Variants in PLEKHM3 observed in about 807,000 individuals in gnomAD.
PLEKHM3 encodes the protein pleckstrin homology domain-containing family M member 3.
A neutral mutation model predicts 81.8 loss-of-function variants in PLEKHM3; 45 were observed. The ratio of observed to expected loss-of-function variants is 0.55; its 90% CI spans 0.43 to 0.71. The LOEUF (loss-of-function observed/expected upper bound fraction) is 0.71. Among genes scored for constraint, PLEKHM3 ranks in the 30% least tolerant of loss-of-function variants. The pLI is 0.00. For synonymous variants in PLEKHM3, 352 were observed against 356.4 expected, an observed-to-expected ratio of 0.99 and a Z score of 0.14; for missense variants, 788 against 924.3, an observed-to-expected ratio of 0.85 and a Z score of 1.91.
chr2:207,910,480 C>T (rs546363379), intron 5 of PLEKHM3, among the ~76,000 whole-genome samples: 217 of 152,316 alleles, frequency 1.4e-3, no homozygotes, highest in Middle Eastern at 6.8e-3. Flanking sequence ...TAAACACAAA[C>T]TTCATTTTAC....
At chr2:207,999,183 A>C (rs931418468) in intron 2 of PLEKHM3, among the ~76,000 whole-genome samples, 10 of 151,876 alleles carry the variant, frequency 6.6e-5, no homozygotes, top group African/African-American at 2.4e-4. Flanking sequence ...GGGTTTTGCC[A>C]TGTTGTCCAG....
Position 207,824,557 on chromosome 2 carries a change from G to A in PLEKHM3, c.*3762C>T, listed in dbSNP as rs563637450. On this transcript the variant is annotated 3_prime_UTR_variant, in exon 8 of 8. Transcript: ENST00000427836. ...GAAAATGTTCAGTGTGCGTGGCATC[G>A]TGCTAGTCCCACCTGGATATACTAA... 6.6e-6 allele frequency: 1 copy of A among 152,202 alleles called. No homozygotes were observed. The highest frequency in any genetic ancestry group is 1.5e-5 in the Non-Finnish European group (1 of 68,046). 9.4% of individuals were successfully genotyped at this position (152,202 alleles called of 1,614,324 possible).
chr2:208,014,553 A>G (rs1347835498), intron 1 of PLEKHM3, among the ~76,000 whole-genome samples: 2 of 152,222 alleles, frequency 1.3e-5, no homozygotes, highest in African/African-American at 4.8e-5. Context: ...CTGAGGCAGG[A>G]GAATCACTTG....
chr2:207,834,852 C>A (rs2092309601), intron 7 of PLEKHM3, among the ~76,000 whole-genome samples: 2 of 152,162 alleles, frequency 1.3e-5, no homozygotes, highest in African/African-American at 4.8e-5. Flanking sequence ...CTACCTGGGC[C>A]ATCTAACAAA....
intron 2 of PLEKHM3, among the ~76,000 whole-genome samples, chr2:207,996,437 T>C (rs984179779): frequency 6.6e-6 from 1 of 152,204 alleles, no homozygotes; most frequent in African/African-American, 2.4e-5. Flanking sequence ...ATCAGCTTAG[T>C]TCTTGCCAGA....
At chr2:207,931,976 A>G (rs1401287499) in intron 4 of PLEKHM3, among the ~76,000 whole-genome samples, 4 of 152,228 alleles carry the variant, frequency 2.6e-5, no homozygotes, top group Non-Finnish European at 4.4e-5. Flanking sequence ...CCATCTAACA[A>G]ACAAACAAAC....
At chr2:207,908,615 C>T (rs1348877195) in intron 5 of PLEKHM3, 38 bp from the exon 6 acceptor site, 1 of 1,526,310 alleles carries the variant, frequency 6.6e-7, no homozygotes, top group Non-Finnish European at 9.0e-7. Flanking sequence ...AACTGTGGTG[C>T]TGCCATAACA....
intron 3 of PLEKHM3, among the ~76,000 whole-genome samples, chr2:207,964,739 G>A (rs1411553772): frequency 6.6e-6 from 1 of 152,126 alleles, no homozygotes; most frequent in Non-Finnish European, 1.5e-5. Context: ...AAAAAAGGGA[G>A]GGAGTTTCAC....
At chr2:207,947,179 C>T (rs1203003644) in intron 3 of PLEKHM3, among the ~76,000 whole-genome samples, 7 of 152,188 alleles carry the variant, frequency 4.6e-5, no homozygotes, top group Non-Finnish European at 8.8e-5. Flanking sequence ...TCACTTTATT[C>T]CAGTCAGAGA....
At chr2:207,872,385 T>C (rs370334865) in intron 6 of PLEKHM3, among the ~76,000 whole-genome samples, 99 of 152,348 alleles carry the variant, frequency 6.5e-4, no homozygotes, top group East Asian at 6.4e-3. Flanking sequence ...CTAGTCCTTA[T>C]ATGAAGTTCT....
intron 3 of PLEKHM3, among the ~76,000 whole-genome samples, chr2:207,949,189 A>G (rs1344709482): frequency 6.6e-6 from 1 of 152,226 alleles, no homozygotes; most frequent in Non-Finnish European, 1.5e-5. Flanking sequence ...ACAGCCTTTC[A>G]TTAATATCGC....
In PLEKHM3 at chr2:207,848,660, G is replaced by T. The variant is rs550345157; in HGVS notation, c.2108+12445C>A. Among the ~76,000 whole-genome samples the T allele has an allele frequency of 6.6e-5, 10 of 152,344 alleles. No homozygotes were observed. The South Asian group carries it at 2.1e-3, about 32-fold the overall frequency. Reference sequence around the variant, plus strand: ...GGCATTTGAAGCTTCATGTGTACATGAGGCTTAAAGAAGGGAAGAAAGTGC... The same window carrying T: ...GGCATTTGAAGCTTCATGTGTACATTAGGCTTAAAGAAGGGAAGAAAGTGC... On this transcript the variant is annotated intron_variant, in intron 7 of 7. Coordinates refer to ENST00000427836, the MANE Select transcript of PLEKHM3 (RefSeq NM_001080475.3).
At chr2:207,974,080 T>C (rs1691219612) in intron 3 of PLEKHM3, among the ~76,000 whole-genome samples, 1 of 151,924 alleles carries the variant, frequency 6.6e-6, no homozygotes, top group Admixed American at 6.6e-5. Flanking sequence ...ACCCAACCTA[T>C]CCTCCACAAG....
chr2:207,835,116 T>G (rs2105883181), intron 7 of PLEKHM3, among the ~76,000 whole-genome samples: 1 of 152,104 alleles, frequency 6.6e-6, no homozygotes, highest in East Asian at 1.9e-4. Context: ...AATTTTTTTT[T>G]GTATTTTTAG....
intron 4 of PLEKHM3, 128 bp downstream of exon 4, chr2:207,946,239 T>C (rs960575654): frequency 7.6e-6 from 8 of 1,055,556 alleles, no homozygotes; most frequent in Non-Finnish European, 1.1e-5. Flanking sequence ...AGGTAAGGTC[T>C]TGCAGCTTTT....
intron 6 of PLEKHM3, among the ~76,000 whole-genome samples, chr2:207,872,617 C>T (rs986786636): frequency 1.3e-5 from 2 of 152,290 alleles, no homozygotes; most frequent in Non-Finnish European, 2.9e-5. Flanking sequence ...GGGGATGGAT[C>T]ACCTGAGGTC....
chr2:207,923,748 T>G (rs1396629469), intron 5 of PLEKHM3, among the ~76,000 whole-genome samples: 1 of 151,018 alleles, frequency 6.6e-6, no homozygotes, highest in Admixed American at 6.6e-5. Context: ...TTTTGGACTA[T>G]GTCAAGGTTC....
At chr2:207,943,664 C>T (rs551872075) in intron 4 of PLEKHM3, among the ~76,000 whole-genome samples, 3 of 151,738 alleles carry the variant, frequency 2.0e-5, no homozygotes, top group Admixed American at 6.6e-5. Context: ...GTCAGGAGAT[C>T]GAGACCATCC....
rs1347275240 is a variant in PLEKHM3, at chr2:207,827,144, G to C, written c.*1175C>G. The stretch of plus-strand genomic sequence containing the variant: ...TAGATCTAATTCATTAATTATACTT[G>C]TAAGTTTGTATTTTCTTAATAGTCC... On this transcript the variant is annotated 3_prime_UTR_variant, in exon 8 of 8. Coordinates refer to ENST00000427836, the MANE Select transcript of PLEKHM3 (RefSeq NM_001080475.3). 1 of 151,752 alleles carries C rather than the reference G, an allele frequency of 6.6e-6. No individual in the cohort carries two copies. Among genetic ancestry groups the C allele is most frequent in the African/African-American group, 2.4e-5 (1 of 41,328 alleles). The allele number at this position is 151,752 out of a possible 1,614,324, so 9.4% of individuals were successfully genotyped here.
Sources: allele counts gnomAD v4.1 joint callset (sites outside exome capture counted in the v4.1 genomes callset), GRCh38; gene constraint gnomAD v4.1.1; transcripts MANE v1.5; gene names NCBI Gene and HGNC (gene_info 2026-07-23, HGNC 2026-07-21).